The following KIZ variants were observed in gnomAD, a reference collection of about 807,000 sequenced individuals.
The protein encoded by KIZ is kizuna centrosomal protein, also known as centrosomal protein kizuna.
KIZ carries 68 observed loss-of-function variants against 79.6 expected under a neutral mutation model. That is an observed-to-expected ratio of 0.85 (90% confidence interval 0.70 to 1.05). The LOEUF (loss-of-function observed/expected upper bound fraction) is 1.05. Ranked by LOEUF, KIZ falls within the 50% of genes least tolerant of loss-of-function variation. The probability of loss-of-function intolerance (pLI) is 0.00; values close to 1 mark genes in which losing one functional copy is unlikely to be tolerated. For missense variants in KIZ, 797 were observed against 800.4 expected (o/e 1.00, Z 0.05); for synonymous variants, 280 against 281.8 (o/e 0.99, Z 0.06).
At chr20:21,245,724 G>A (rs2037366461) in intron 12 of KIZ, 1 of 152,262 alleles carries the variant, frequency 6.6e-6, no homozygotes, top group Non-Finnish European at 1.5e-5. Context: ...CTGGCTGCAG[G>A]AGCGTGCTCA....
At chr20:21,212,565 A>G (rs994418016) in intron 7 of KIZ, among the ~76,000 whole-genome samples, 3 of 152,232 alleles carry the variant, frequency 2.0e-5, no homozygotes, top group Admixed American at 6.5e-5. Context: ...TGTGTTAAAT[A>G]CATTTCTGAC....
chr20:21,228,718 C>A (rs2036733708), intron 9 of KIZ, among the ~76,000 whole-genome samples: 1 of 152,122 alleles, frequency 6.6e-6, no homozygotes, highest in Non-Finnish European at 1.5e-5. Flanking sequence ...CTACAAGGCC[C>A]CGAGGGAAGT....
rs140116798 is a variant in KIZ, at chr20:21,215,753, A to G, written c.1678+105A>G. 227 of 637,496 alleles carry G rather than the reference A, an allele frequency of 3.6e-4. No homozygotes were observed. In the East Asian group the frequency reaches 5.7e-3, roughly 16 times the overall value. 39.5% of individuals were successfully genotyped at this position (637,496 alleles called of 1,614,324 possible). On this transcript the variant is annotated intron_variant, in intron 9 of 12. Transcript: ENST00000619189. ...TGTGGACCCCACTAAGAGCACATGTATTCAGCTACTGCATGCTGGAGCAGG... is the reference window on the plus strand; with the variant it reads ...TGTGGACCCCACTAAGAGCACATGTGTTCAGCTACTGCATGCTGGAGCAGG...
chr20:21,162,056 A>T lies in KIZ; in HGVS notation c.591A>T (p.Thr197=). 6.2e-7 allele frequency: 1 copy of T among 1,613,972 alleles called. No homozygotes were observed. Among genetic ancestry groups the T allele is most frequent in the Non-Finnish European group, 8.5e-7 (1 of 1,179,854 alleles). The stretch of plus-strand genomic sequence containing the variant: ...CTGACCCACATTCACACCGACAGAC[A>T]GCCCAGAGCAGTAATGTGACAGACA... ...SIPDPHSHRQ[T]AQSSNVTDSC... Residue 197 remains threonine (T), a synonymous_variant, in exon 5 of 13, where the codon ACA becomes ACT. Coordinates refer to ENST00000619189, the MANE Select transcript of KIZ (RefSeq NM_018474.6).
intron 6 of KIZ, among the ~76,000 whole-genome samples, chr20:21,185,446 G>C (rs1466115980): frequency 2.7e-5 from 3 of 112,120 alleles, no homozygotes; most frequent in Non-Finnish European, 5.1e-5. Flanking sequence ...TTCTCACTCT[G>C]TCACCCAGGC....
intron 11 of KIZ, 147 bp downstream of exon 11, chr20:21,232,977 A>G (rs898107901): frequency 1.7e-6 from 1 of 603,508 alleles, no homozygotes; most frequent in African/African-American, 1.9e-5. Flanking sequence ...AACAGTTGAA[A>G]CTTTAGTCTA....
In KIZ at chr20:21,203,939, A is replaced by G. The variant is rs890167336; in HGVS notation, c.1353-1552A>G. Among the ~76,000 whole-genome samples the G allele has an allele frequency of 1.7e-4, 25 of 151,060 alleles. 1 individual carries two copies. Among genetic ancestry groups the G allele is most frequent in the Admixed American group, 1.5e-3 (22 of 15,146 alleles). On this transcript the variant is annotated intron_variant, in intron 6 of 12. Coordinates refer to ENST00000619189, the MANE Select transcript of KIZ (RefSeq NM_018474.6). ...ATGGAAAATCTATACCCATTAAACA[A>G]CTCTCCATTTTCCCTTCCCCCCAGG...
At chr20:21,230,789 C>T (rs963551016) in intron 10 of KIZ, among the ~76,000 whole-genome samples, 3 of 152,134 alleles carry the variant, frequency 2.0e-5, no homozygotes, top group Non-Finnish European at 2.9e-5. Flanking sequence ...TGGAGGTTGT[C>T]GTCACTTGCA....
intron 4 of KIZ, among the ~76,000 whole-genome samples, chr20:21,149,571 C>A (rs771088897): frequency 6.6e-6 from 1 of 152,232 alleles, no homozygotes; most frequent in Non-Finnish European, 1.5e-5. Flanking sequence ...GTGGCTTTAG[C>A]CACGGATCTG....
At chr20:21,134,197 G>A (rs117372178) in intron 2 of KIZ, among the ~76,000 whole-genome samples, 2,798 of 152,252 alleles carry the variant, frequency 0.018, 46 homozygotes, top group Non-Finnish European at 0.027. Context: ...CACCAGACAC[G>A]CCATTATCTG....
intron 2 of KIZ, 42 bp from the exon 3 acceptor site, chr20:21,136,348 C>T: frequency 1.8e-6 from 2 of 1,127,098 alleles, no homozygotes; most frequent in Non-Finnish European, 2.5e-6. Flanking sequence ...TAGATTCGTC[C>T]AAGTCTAGTC....
chr20:21,170,774 C>T (rs528233746), intron 6 of KIZ, among the ~76,000 whole-genome samples: 8 of 152,286 alleles, frequency 5.3e-5, no homozygotes, highest in Non-Finnish European at 8.8e-5. Flanking sequence ...CCGAACTCCA[C>T]TACACTTCCC....
intron 4 of KIZ, among the ~76,000 whole-genome samples, chr20:21,154,727 A>G (rs1276581294): frequency 6.6e-6 from 1 of 152,242 alleles, no homozygotes; most frequent in East Asian, 1.9e-4. Flanking sequence ...ATAATGTGAA[A>G]CATGGCATTC....
chr20:21,163,185 ACTGTT>A, intron 6 of KIZ, 26 bp downstream of exon 6: 1 of 1,489,954 alleles, frequency 6.7e-7, no homozygotes, highest in Non-Finnish European at 9.2e-7. Flanking sequence ...TTTTTTTTCT[ACTGTT>A]CTGTTTTTAA....
In KIZ at chr20:21,141,962, C is replaced by T. The variant is rs551388753; in HGVS notation, c.316-3603C>T. ...ATCCCCATTTCTCCCTCTTATCTCT[C>T]CCCTGTCTCCTATTCCTGTCTCCTT... On this transcript the variant is annotated intron_variant, in intron 3 of 12. Transcript: ENST00000619189. 4.0e-5 allele frequency among the ~76,000 whole-genome samples: 6 copies of T among 151,534 alleles called. No homozygotes were observed. In the East Asian group the frequency reaches 1.2e-3, roughly 30 times the overall value.
chr20:21,145,772 C>T (rs887191057), intron 4 of KIZ, 118 bp downstream of exon 4: 22 of 449,646 alleles, frequency 4.9e-5, no homozygotes, highest in South Asian at 1.8e-4. Flanking sequence ...TTAAACCTTA[C>T]GTGATTATTT....
intron 9 of KIZ, among the ~76,000 whole-genome samples, chr20:21,222,389 A>G (rs932369876): frequency 1.2e-4 from 18 of 152,316 alleles, no homozygotes; most frequent in Middle Eastern, 3.4e-3. Context: ...AGTACTTTAT[A>G]ACACATCCAG....
chr20:21,135,402 C>A lies in KIZ; in HGVS notation c.153-988C>A, dbSNP rs538990753. On this transcript the variant is annotated intron_variant, in intron 2 of 12. Coordinates refer to ENST00000619189, the MANE Select transcript of KIZ (RefSeq NM_018474.6). ...GAGACATGGGCAGCAATAAGACCAG[C>A]CTTCAGTTTTTATTCAGAAAGAAAA... is the stretch of plus-strand genomic sequence containing the variant. Among the ~76,000 whole-genome samples, 7 of 152,256 alleles carry A rather than the reference C, an allele frequency of 4.6e-5. No individual in the cohort carries two copies. In the East Asian group the frequency reaches 1.3e-3, roughly 29 times the overall value.
intron 11 of KIZ, among the ~76,000 whole-genome samples, chr20:21,241,406 C>T (rs987507662): frequency 2.0e-5 from 3 of 152,362 alleles, no homozygotes; most frequent in Non-Finnish European, 1.5e-5. Context: ...TGCCCTTCTC[C>T]GTGGGTAGGC....
Sources: allele counts gnomAD v4.1 joint callset (sites outside exome capture counted in the v4.1 genomes callset), GRCh38; gene constraint gnomAD v4.1.1; transcripts MANE v1.5; gene names NCBI Gene and HGNC (gene_info 2026-07-23, HGNC 2026-07-21).